BCL2: variants seen among roughly 807,000 people sequenced by gnomAD.
BCL2 encodes the protein BCL2 apoptosis regulator.
Under a neutral mutation model 14.2 loss-of-function variants are expected in BCL2, and 1 was observed. That is an observed-to-expected ratio of 0.07 (90% CI 0.02 to 0.33). The LOEUF is 0.33. Ranked by LOEUF, BCL2 falls within the 10% of genes least tolerant of loss-of-function variation. BCL2 has a pLI of 0.99. For synonymous variants in BCL2, 151 were observed against 137.2 expected (o/e 1.10, Z -0.70); for missense variants, 247 against 305.9 (o/e 0.81, Z 1.44).
At chr18:63,236,802 C>T (rs377745393) in intron 2 of BCL2, among the ~76,000 whole-genome samples, 8 of 152,278 alleles carry the variant, frequency 5.3e-5, no homozygotes, top group Admixed American at 2.0e-4. Context: ...CAGGGCACTG[C>T]GCTGCGTTTA....
At chr18:63,220,405 T>A (rs372186117) in intron 2 of BCL2, among the ~76,000 whole-genome samples, 1 of 152,318 alleles carries the variant, frequency 6.6e-6, no homozygotes, top group Admixed American at 6.5e-5. Flanking sequence ...ATCAGTGCTA[T>A]TGTCAGACAC....
intron 2 of BCL2, among the ~76,000 whole-genome samples, chr18:63,139,068 C>T (rs1362812026): frequency 6.6e-6 from 1 of 152,204 alleles, no homozygotes; most frequent in African/African-American, 2.4e-5. Flanking sequence ...CAGAGATGGA[C>T]CTCAGAGGAT....
chr18:63,184,890 G>A (rs1033622500), intron 2 of BCL2, among the ~76,000 whole-genome samples: 10 of 152,148 alleles, frequency 6.6e-5, no homozygotes, highest in African/African-American at 2.4e-4. Context: ...ACTCAGAAAC[G>A]ACCCTGAGTT....
chr18:63,294,393 G>A (rs776703021), intron 2 of BCL2, among the ~76,000 whole-genome samples: 10 of 152,266 alleles, frequency 6.6e-5, no homozygotes, highest in South Asian at 4.1e-4. Flanking sequence ...AGTAGGCTGG[G>A]CAGGGTGGCT....
At chr18:63,244,357 G>A (rs904583385) in intron 2 of BCL2, among the ~76,000 whole-genome samples, 3 of 151,994 alleles carry the variant, frequency 2.0e-5, no homozygotes, top group South Asian at 4.2e-4. Flanking sequence ...CAGCTTGGGC[G>A]ACAGAGCAAG....
chr18:63,244,989 A>C (rs1334308891), intron 2 of BCL2, among the ~76,000 whole-genome samples: 1 of 152,150 alleles, frequency 6.6e-6, no homozygotes, highest in African/African-American at 2.4e-5. Flanking sequence ...GCACGTCCTA[A>C]AGGTTTCTTG....
At chr18:63,164,177 G>C (rs1415870709) in intron 2 of BCL2, among the ~76,000 whole-genome samples, 1 of 152,184 alleles carries the variant, frequency 6.6e-6, no homozygotes. Flanking sequence ...AGGACCCTGT[G>C]ATATGGTACC....
chr18:63,238,667 G>A (rs1361014050), intron 2 of BCL2, among the ~76,000 whole-genome samples: 1 of 152,216 alleles, frequency 6.6e-6, no homozygotes, highest in Non-Finnish European at 1.5e-5. Flanking sequence ...GAAGGAGTGT[G>A]CAGAGTCTAT....
chr18:63,143,145 C>T (rs1914410404), intron 2 of BCL2, among the ~76,000 whole-genome samples: 1 of 152,148 alleles, frequency 6.6e-6, no homozygotes, highest in South Asian at 2.1e-4. Flanking sequence ...CTTTCTGTTG[C>T]AAGAAGGATA....
intron 2 of BCL2, among the ~76,000 whole-genome samples, chr18:63,254,746 T>A (rs1461917323): frequency 6.6e-6 from 1 of 152,210 alleles, no homozygotes; most frequent in Non-Finnish European, 1.5e-5. Context: ...AATTTTGAGT[T>A]GTACTGTCCT....
At chr18:63,152,997 C>A (rs963557853) in intron 2 of BCL2, among the ~76,000 whole-genome samples, 1 of 152,208 alleles carries the variant, frequency 6.6e-6, no homozygotes, top group African/African-American at 2.4e-5. Context: ...TTTGACTCAG[C>A]TTTTGCCTCT....
intron 2 of BCL2, 103 bp downstream of exon 2, chr18:63,317,979 C>T: frequency 1.3e-6 from 2 of 1,498,780 alleles, no homozygotes; most frequent in East Asian, 2.4e-5. Flanking sequence ...TTTATTTCGC[C>T]GGCTCCACAG....
At chr18:63,197,611 G>T (rs1258316092) in intron 2 of BCL2, among the ~76,000 whole-genome samples, 1 of 151,638 alleles carries the variant, frequency 6.6e-6, no homozygotes, top group Non-Finnish European at 1.5e-5. Flanking sequence ...TCAGGGGAAC[G>T]GTCACAGCAG....
chr18:63,133,697 C>G (rs934162524), intron 2 of BCL2, among the ~76,000 whole-genome samples: 1 of 152,198 alleles, frequency 6.6e-6, no homozygotes, highest in African/African-American at 2.4e-5. Context: ...GAATGGCATG[C>G]GGTTGGGGAT....
intron 2 of BCL2, among the ~76,000 whole-genome samples, chr18:63,284,228 T>C (rs112251561): frequency 3.3e-5 from 5 of 152,280 alleles, no homozygotes; most frequent in African/African-American, 1.2e-4. Context: ...TAACACTTCC[T>C]GGATGATGTT....
At chr18:63,238,391 T>C (rs1910899162) in intron 2 of BCL2, among the ~76,000 whole-genome samples, 1 of 152,178 alleles carries the variant, frequency 6.6e-6, no homozygotes, top group Non-Finnish European at 1.5e-5. Flanking sequence ...TTTTGGATAA[T>C]CAGTAATTTA....
intron 2 of BCL2, among the ~76,000 whole-genome samples, chr18:63,255,954 A>T (rs1315196424): frequency 6.6e-6 from 1 of 152,202 alleles, no homozygotes; most frequent in Non-Finnish European, 1.5e-5. Context: ...AACTGAATTC[A>T]ATTCAATGTG....
chr18:63,267,261 T>C (rs1191904445), intron 2 of BCL2, among the ~76,000 whole-genome samples: 1 of 152,138 alleles, frequency 6.6e-6, no homozygotes, highest in Non-Finnish European at 1.5e-5. Context: ...AAAATTTCTC[T>C]GGCAAGAGTC....
At chr18:63,222,956 G>A (rs1181200007) in intron 2 of BCL2, among the ~76,000 whole-genome samples, 1 of 152,208 alleles carries the variant, frequency 6.6e-6, no homozygotes, top group Admixed American at 6.5e-5. Context: ...AAAGCAGATG[G>A]AGAAGCAGTG....
Sources: gnomAD v4.1 joint callset for allele counts (sites outside exome capture counted in the v4.1 genomes callset) on GRCh38, gnomAD v4.1.1 for gene constraint, MANE v1.5 for transcripts, NCBI Gene and HGNC (gene_info 2026-07-23, HGNC 2026-07-21) for gene names.